The following ADAMTSL3 variants were observed in gnomAD, a reference collection of about 807,000 sequenced individuals.
ADAMTSL3 encodes the protein ADAMTS like 3.
In ADAMTSL3, 128 loss-of-function variants were observed where a neutral mutation model predicts 201.7. That is an observed-to-expected ratio of 0.63 (90% confidence interval 0.55 to 0.73). ADAMTSL3 has a LOEUF of 0.73. Ranked by LOEUF, ADAMTSL3 falls within the 30% of genes least tolerant of loss-of-function variation. The probability of loss-of-function intolerance (pLI) is 0.00; values close to 1 mark genes in which losing one functional copy is unlikely to be tolerated. For missense variants in ADAMTSL3, 1,990 were observed against 2,119.6 expected (o/e 0.94, Z 1.20); for synonymous variants, 738 against 748.4 (o/e 0.99, Z 0.23).
intron 11 of ADAMTSL3, 151 bp from the exon 12 acceptor site, chr15:83,891,178 G>C (rs2065491924): frequency 1.7e-6 from 1 of 584,204 alleles, no homozygotes; most frequent in Non-Finnish European, 2.9e-6. Flanking sequence ...GATGGTGGCT[G>C]AATTTTTGGG....
At chr15:83,841,682 CG>C (rs1457805416) in intron 7 of ADAMTSL3, among the ~76,000 whole-genome samples, 2 of 151,768 alleles carry the variant, frequency 1.3e-5, no homozygotes, top group African/African-American at 4.8e-5. Flanking sequence ...AATTGAAGGG[CG>C]GGGTTCCTGG....
At chr15:83,667,498 C>G (rs1055709859) in intron 2 of ADAMTSL3, among the ~76,000 whole-genome samples, 7 of 148,882 alleles carry the variant, frequency 4.7e-5, no homozygotes, top group African/African-American at 1.7e-4. Flanking sequence ...GTGCCAGCTT[C>G]CAAACACAAA....
At chr15:83,971,327 G>A (rs2067189666) in intron 20 of ADAMTSL3, among the ~76,000 whole-genome samples, 3 of 152,094 alleles carry the variant, frequency 2.0e-5, no homozygotes, top group African/African-American at 7.2e-5. Context: ...AGAGACTGAG[G>A]TGGGTGGATC....
intron 17 of ADAMTSL3, among the ~76,000 whole-genome samples, chr15:83,929,733 CAG>C (rs2066318888): frequency 6.6e-6 from 1 of 150,442 alleles, no homozygotes; most frequent in Non-Finnish European, 1.5e-5. Flanking sequence ...GAGACAGAGA[CAG>C]ACACACACAC....
chr15:83,668,134 T>C, intron 2 of ADAMTSL3, among the ~76,000 whole-genome samples: 1 of 151,930 alleles, frequency 6.6e-6, no homozygotes. Flanking sequence ...ATTGGGAACA[T>C]GCTAGACAAA....
intron 23 of ADAMTSL3, among the ~76,000 whole-genome samples, chr15:84,000,552 T>G (rs2067773807): frequency 6.6e-6 from 1 of 152,190 alleles, no homozygotes; most frequent in Non-Finnish European, 1.5e-5. Context: ...CATGCAGAGA[T>G]GAATACAATC....
chr15:83,698,843 G>A (rs2061724989), intron 2 of ADAMTSL3, among the ~76,000 whole-genome samples: 1 of 152,040 alleles, frequency 6.6e-6, no homozygotes, highest in Non-Finnish European at 1.5e-5. Flanking sequence ...TACTTCTCTG[G>A]CCTCATCTTC....
At chr15:83,725,950 A>G (rs1001484266) in intron 3 of ADAMTSL3, among the ~76,000 whole-genome samples, 31 of 152,108 alleles carry the variant, frequency 2.0e-4, no homozygotes, top group African/African-American at 6.3e-4. Context: ...ATATTTTGAT[A>G]TGGATTGCAT....
chr15:83,665,881 CAAAG>C (rs1057280658), intron 2 of ADAMTSL3, among the ~76,000 whole-genome samples: 6 of 151,980 alleles, frequency 3.9e-5, no homozygotes, highest in African/African-American at 9.7e-5. Flanking sequence ...AATTTAAAAA[CAAAG>C]AAGAGTAACT....
intron 2 of ADAMTSL3, among the ~76,000 whole-genome samples, chr15:83,687,775 T>C (rs1336367492): frequency 2.0e-5 from 3 of 152,148 alleles, no homozygotes; most frequent in African/African-American, 7.2e-5. Flanking sequence ...TAACAGGCCA[T>C]ATATCCAGAA....
At chr15:83,933,788 G>A (rs539561047) in intron 17 of ADAMTSL3, among the ~76,000 whole-genome samples, 4 of 152,288 alleles carry the variant, frequency 2.6e-5, no homozygotes, top group African/African-American at 9.6e-5. Flanking sequence ...TGCATCCCAG[G>A]CATGGCTAAA....
intron 6 of ADAMTSL3, among the ~76,000 whole-genome samples, chr15:83,831,087 G>C (rs1389156034): frequency 6.6e-6 from 1 of 152,126 alleles, no homozygotes; most frequent in Non-Finnish European, 1.5e-5. Flanking sequence ...ATGATTTTTG[G>C]TGTTCCTTGC....
In ADAMTSL3 at chr15:83,983,338, C is replaced by G. The variant is rs761475236; in HGVS notation, c.3710C>G (p.Ser1237Ter). Residue 1237 changes from serine (S) to a stop codon, truncating the protein, a stop_gained, in exon 21 of 30, where the codon TCA becomes TGA. Coordinates refer to ENST00000286744, the MANE Select transcript of ADAMTSL3 (RefSeq NM_207517.3). LOFTEE classifies it high-confidence loss of function. ...WTKDGTLLQP[S>*]VKIILDGTGK... ...AAGGATGGAACCTTGTTACAGCCCT[C>G]AGTAAAGTAAGTAAAATAAAAATGC... 6.7e-7 allele frequency: 1 copy of G among 1,488,634 alleles called. No homozygotes were observed. 92.2% of individuals were successfully genotyped at this position (1,488,634 alleles called of 1,614,324 possible).
chr15:83,815,398 T>C (rs1454341204), intron 5 of ADAMTSL3, among the ~76,000 whole-genome samples: 3 of 152,160 alleles, frequency 2.0e-5, no homozygotes, highest in African/African-American at 7.2e-5. Context: ...ATGACAGTGG[T>C]GGATTATATT....
chr15:84,032,999 A>T (rs2068436167), intron 28 of ADAMTSL3, among the ~76,000 whole-genome samples: 1 of 152,186 alleles, frequency 6.6e-6, no homozygotes. Context: ...AATTTTTGCC[A>T]ATCTGATGGA....
intron 23 of ADAMTSL3, among the ~76,000 whole-genome samples, chr15:83,997,647 T>C (rs1399475089): frequency 1.3e-5 from 2 of 152,186 alleles, no homozygotes; most frequent in Non-Finnish European, 2.9e-5. Context: ...TTAATGTCCA[T>C]TAATTTTTAA....
intron 19 of ADAMTSL3, among the ~76,000 whole-genome samples, chr15:83,948,283 G>T (rs116687017): frequency 0.014 from 2,167 of 152,180 alleles, 54 homozygotes; most frequent in African/African-American, 0.046. Context: ...GTCACATAGG[G>T]TTGATAGCTG....
At chr15:83,698,714 A>G (rs2141483192) in intron 2 of ADAMTSL3, among the ~76,000 whole-genome samples, 1 of 152,250 alleles carries the variant, frequency 6.6e-6, no homozygotes, top group East Asian at 1.9e-4. Flanking sequence ...TGCTTTCTGA[A>G]GCCGTGTGTG....
intron 4 of ADAMTSL3, among the ~76,000 whole-genome samples, chr15:83,790,998 C>T (rs1001769900): frequency 2.6e-5 from 4 of 151,984 alleles, no homozygotes; most frequent in Non-Finnish European, 5.9e-5. Flanking sequence ...GAAAGAGGAA[C>T]CCTAATAAAA....
Sources: allele counts gnomAD v4.1 joint callset (sites outside exome capture counted in the v4.1 genomes callset), GRCh38; gene constraint gnomAD v4.1.1; transcripts MANE v1.5; gene names NCBI Gene and HGNC (gene_info 2026-07-23, HGNC 2026-07-21).